Variants in SLCO1B3 observed in about 807,000 individuals in gnomAD.
SLCO1B3 encodes the protein solute carrier organic anion transporter family member 1B3.
A neutral mutation model predicts 71.8 loss-of-function variants in SLCO1B3; 72 were observed. The ratio of observed to expected loss-of-function variants is 1.00; its 90% CI spans 0.83 to 1.22. SLCO1B3 has a LOEUF of 1.22. SLCO1B3 is among the 50% of genes most tolerant of loss of function. SLCO1B3 has a pLI of 0.00. For synonymous variants in SLCO1B3, 298 were observed against 278.4 expected (o/e 1.07, Z -0.70); for missense variants, 911 against 819.7 (o/e 1.11, Z -1.36).
At chr12:20,885,693 G>C (rs149029889) in intron 13 of SLCO1B3, among the ~76,000 whole-genome samples, 1 of 151,808 alleles carries the variant, frequency 6.6e-6, no homozygotes, top group Non-Finnish European at 1.5e-5. Flanking sequence ...AAAGACAAAG[G>C]CCCTTGGGTG....
chr12:20,888,359 C>A (rs1865831600), intron 13 of SLCO1B3, among the ~76,000 whole-genome samples: 1 of 151,760 alleles, frequency 6.6e-6, no homozygotes, highest in South Asian at 2.1e-4. Context: ...TTTTTTGTGA[C>A]ATATATGACT....
rs563189888 is a variant in SLCO1B3 at position 20,826,488 on chromosome 12, A to G, written c.84+10666A>G. Among the ~76,000 whole-genome samples, 18 of 152,218 alleles carry G rather than the reference A, an allele frequency of 1.2e-4. No individual in the cohort carries two copies. In the South Asian group the frequency reaches 3.5e-3, roughly 30 times the overall value. ...TTTAGTGAATTAATTCTTTTTTAAT[A>G]TCAAGTCTCAATCTCTGGAATGACT... On this transcript the variant is annotated intron_variant, in intron 3 of 15. Transcript: ENST00000381545.
rs1390728007 is a variant in SLCO1B3 at position 20,842,466 on chromosome 12, GT to G, written c.85-12561del. ...AACCTCTATCCATAATGATGTTTAT[GT>G]AAATCTATTTGGGCTATTATTTATA... is the stretch of plus-strand genomic sequence containing the variant. On this transcript the variant is annotated intron_variant, in intron 3 of 15. Transcript: ENST00000381545. Among the ~76,000 whole-genome samples the G allele has an allele frequency of 2.6e-5, 4 of 151,408 alleles. No homozygotes were observed. In the Admixed American group the frequency reaches 2.7e-4, roughly 10 times the overall value.
intron 8 of SLCO1B3, among the ~76,000 whole-genome samples, chr12:20,872,489 A>G (rs1049100338): frequency 6.6e-6 from 1 of 151,990 alleles, no homozygotes; most frequent in African/African-American, 2.4e-5. Context: ...CACTTCTCTT[A>G]AACAGAAGGA....
intron 15 of SLCO1B3, among the ~76,000 whole-genome samples, chr12:20,904,393 C>T (rs190234434): frequency 1.6e-4 from 24 of 152,208 alleles, no homozygotes; most frequent in African/African-American, 5.5e-4. Context: ...AATCTTAAAG[C>T]TCCAAAATGA....
rs4149109 is a variant in SLCO1B3, at chr12:20,855,422, T to G, written c.226+253T>G. Among the ~76,000 whole-genome samples, 110,108 of 151,998 alleles carry G rather than the reference T, an allele frequency of 0.72. 42,477 individuals carry two copies. The highest frequency in any genetic ancestry group is 0.9 in the South Asian group (4,346 of 4,830). ...ACCAGACAGACTTACCAACAAAGAA[T>G]TATCCTTCCCAAAATGTCTATAGTG... On this transcript the variant is annotated intron_variant, in intron 4 of 15. Coordinates refer to ENST00000381545, the MANE Select transcript of SLCO1B3 (RefSeq NM_019844.4).
chr12:20,874,631 A>T (rs894394742), intron 8 of SLCO1B3, among the ~76,000 whole-genome samples: 6 of 152,226 alleles, frequency 3.9e-5, no homozygotes, highest in Non-Finnish European at 8.8e-5. Flanking sequence ...TATAGTTGAA[A>T]TAAAATGGTT....
Position 20,879,604 on chromosome 12 carries a change from T to C in SLCO1B3, c.1304T>C (p.Val435Ala), listed in dbSNP as rs781670225. 1 of 1,611,618 alleles carries C rather than the reference T, an allele frequency of 6.2e-7. No individual in the cohort carries two copies. The highest frequency in any genetic ancestry group is 1.1e-5 in the South Asian group (1 of 90,924). The change falls in exon 11 of 16, where the codon GTT becomes GCT. Residue 435 changes from valine to alanine, a missense_variant. Coordinates refer to ENST00000381545, the MANE Select transcript of SLCO1B3 (RefSeq NM_019844.4). ...YFPLICESKS[V>A]AGLTLTYDGN... is the part of the protein sequence containing the mutation. ...CCTCTAATCTGCGAAAGCAAATCAGTTGCCGGCCTAACCTTGACCTATGAT... is the reference window on the plus strand; with the variant it reads ...CCTCTAATCTGCGAAAGCAAATCAGCTGCCGGCCTAACCTTGACCTATGAT...
intron 3 of SLCO1B3, among the ~76,000 whole-genome samples, chr12:20,818,297 G>C (rs117451511): frequency 0.032 from 4,935 of 152,172 alleles, 117 homozygotes; most frequent in Non-Finnish European, 0.048. Flanking sequence ...GATACTAAGA[G>C]CCTAAAAAAA....
chr12:20,852,063 A>G (rs2121211728), intron 3 of SLCO1B3, among the ~76,000 whole-genome samples: 1 of 152,338 alleles, frequency 6.6e-6, no homozygotes, highest in East Asian at 1.9e-4. Context: ...GTTGCTCTGC[A>G]GTATATTTTG....
At chr12:20,914,561 A>G (rs1389923290) in intron 15 of SLCO1B3, among the ~76,000 whole-genome samples, 2 of 152,110 alleles carry the variant, frequency 1.3e-5, no homozygotes, top group African/African-American at 4.8e-5. Flanking sequence ...TATTAAATCA[A>G]TTTAGAATAA....
chr12:20,837,447 A>G (rs1488269910), intron 3 of SLCO1B3, among the ~76,000 whole-genome samples: 1 of 152,050 alleles, frequency 6.6e-6, no homozygotes, highest in Non-Finnish European at 1.5e-5. Context: ...TCATATATGT[A>G]TTCAGTGTAA....
chr12:20,907,511 C>CTT lies in SLCO1B3; in HGVS notation c.1865+6058_1865+6059dup, dbSNP rs753028322. ...TCTTCTCCTCCCTTCCCTTCCCTTC[C>CTT]TTTTTTTTTTTTTTTGAGACGCAGC... On this transcript the variant is annotated intron_variant, in intron 15 of 15. Transcript: ENST00000381545. Among the ~76,000 whole-genome samples the CTT allele has an allele frequency of 2.9e-4, 36 of 124,778 alleles. 1 individual carries two copies. The East Asian group carries it at 6.3e-3, about 22-fold the overall frequency. The allele number at this position is 124,778 out of a possible 152,430, so 81.9% of individuals were successfully genotyped here. A position where few individuals can be genotyped will look rare whatever the true frequency, so the allele number is the denominator to read the frequency against.
At chr12:20,891,082 C>G (rs1865893319) in intron 13 of SLCO1B3, among the ~76,000 whole-genome samples, 1 of 152,002 alleles carries the variant, frequency 6.6e-6, no homozygotes, top group Admixed American at 6.6e-5. Flanking sequence ...AATTGCTTTG[C>G]AGTCTCAATT....
Position 20,882,016 on chromosome 12 carries a change from C to T in SLCO1B3, c.1497+996C>T, listed in dbSNP as rs551385322. ...AGGCTACAACTTTAGTAAACTTGCA[C>T]ATTTGTGGCCCAAAGACTATACTTA... is the stretch of plus-strand genomic sequence containing the variant. On this transcript the variant is annotated intron_variant, in intron 12 of 15. Transcript: ENST00000381545. 2.0e-5 allele frequency among the ~76,000 whole-genome samples: 3 copies of T among 152,294 alleles called. No homozygotes were observed. The East Asian group carries it at 5.8e-4, about 29-fold the overall frequency.
At chr12:20,845,271 A>AG in intron 3 of SLCO1B3, 2 of 399,052 alleles carry the variant, frequency 5.0e-6, no homozygotes, top group Non-Finnish European at 9.9e-6. Flanking sequence ...TCTTGGAAAG[A>AG]GCAGCCCCAG....
At chr12:20,903,777 G>C (rs912759245) in intron 15 of SLCO1B3, among the ~76,000 whole-genome samples, 1 of 151,996 alleles carries the variant, frequency 6.6e-6, no homozygotes, top group Non-Finnish European at 1.5e-5. Flanking sequence ...TTCAATCCCT[G>C]GTCGTTCCCA....
intron 3 of SLCO1B3, among the ~76,000 whole-genome samples, chr12:20,847,970 A>C (rs1337162871): frequency 6.6e-6 from 1 of 152,030 alleles, no homozygotes; most frequent in African/African-American, 2.4e-5. Flanking sequence ...AAAAGTCAAA[A>C]TAATAATAAT....
chr12:20,875,565 T>C, intron 9 of SLCO1B3, 88 bp downstream of exon 9: 1 of 1,305,808 alleles, frequency 7.7e-7, no homozygotes, highest in South Asian at 1.3e-5. Flanking sequence ...CATACTCAAA[T>C]CATCTAGAGT....
Sources: allele counts gnomAD v4.1 joint callset (sites outside exome capture counted in the v4.1 genomes callset), GRCh38; gene constraint gnomAD v4.1.1; transcripts MANE v1.5; gene names NCBI Gene and HGNC (gene_info 2026-07-23, HGNC 2026-07-21).